The following NCOA7 variants were observed in gnomAD, a reference collection of about 807,000 sequenced individuals.
The protein encoded by NCOA7 is nuclear receptor coactivator 7.
Under a neutral mutation model 104.3 loss-of-function variants are expected in NCOA7, and 45 were observed. The ratio of observed to expected loss-of-function variants is 0.43; its 90% CI spans 0.34 to 0.55. The LOEUF (loss-of-function observed/expected upper bound fraction) is 0.55, where lower values mean the gene tolerates loss of function less well. Among genes scored for constraint, NCOA7 ranks in the 20% least tolerant of loss-of-function variants. The pLI is 0.02. For synonymous variants in NCOA7, 398 were observed against 402.3 expected (o/e 0.99, Z 0.13); for missense variants, 1,041 against 1,119.7 (o/e 0.93, Z 1.00).
chr6:125,829,211 C>T (rs1293854105), intron 2 of NCOA7, among the ~76,000 whole-genome samples: 1 of 151,984 alleles, frequency 6.6e-6, no homozygotes, highest in East Asian at 1.9e-4. Context: ...ATAATATGTC[C>T]TCTTTATAAT....
Position 125,929,928 on chromosome 6 carries a change from C to G in NCOA7, c.*1157C>G, listed in dbSNP as rs908957674. 1 of 151,778 alleles carries G rather than the reference C, an allele frequency of 6.6e-6. No individual in the cohort carries two copies. The highest frequency in any genetic ancestry group is 1.5e-5 in the Non-Finnish European group (1 of 67,942). The allele number at this position is 151,778 out of a possible 1,614,324, so 9.4% of individuals were successfully genotyped here. ...TCAAATGAAAAACGTCAAATTGGACCAATTGTCTTGGTTTCTTGATTCATT... is the reference window on the plus strand; with the variant it reads ...TCAAATGAAAAACGTCAAATTGGACGAATTGTCTTGGTTTCTTGATTCATT... On this transcript the variant is annotated 3_prime_UTR_variant, in exon 16 of 16. Transcript: ENST00000392477.
chr6:125,921,385 G>A (rs1787571202), intron 12 of NCOA7, among the ~76,000 whole-genome samples: 1 of 151,900 alleles, frequency 6.6e-6, no homozygotes, highest in South Asian at 2.1e-4. Flanking sequence ...ATTCCAGCCT[G>A]CGCAACAGAG....
Position 125,846,613 on chromosome 6 carries a change from A to C in NCOA7, c.51-8407A>C, listed in dbSNP as rs184405063. ...GTGCACAATCCATTGAAGCCCACTA[A>C]ATTTTCAGGCCCCCACATAGTTTGT... On this transcript the variant is annotated intron_variant, in intron 2 of 15. Coordinates refer to ENST00000392477, the MANE Select transcript of NCOA7 (RefSeq NM_181782.5). Among the ~76,000 whole-genome samples the C allele has an allele frequency of 1.5e-3, 232 of 152,312 alleles. 2 individuals carry two copies. The highest frequency in any genetic ancestry group is 0.012 in the East Asian group (60 of 5,184).
chr6:125,914,405 T>C (rs2128688719), intron 10 of NCOA7, among the ~76,000 whole-genome samples: 1 of 152,330 alleles, frequency 6.6e-6, no homozygotes, highest in Non-Finnish European at 1.5e-5. Context: ...GATAGGAATG[T>C]AGAAACCTTA....
intron 3 of NCOA7, among the ~76,000 whole-genome samples, chr6:125,859,346 A>G (rs1196934522): frequency 2.6e-5 from 4 of 152,232 alleles, no homozygotes; most frequent in African/African-American, 9.6e-5. Flanking sequence ...AGATTTGTCT[A>G]GAGGGGCCTA....
chr6:125,879,386 T>G (rs903238437), intron 5 of NCOA7, among the ~76,000 whole-genome samples: 1 of 152,352 alleles, frequency 6.6e-6, no homozygotes, highest in Non-Finnish European at 1.5e-5. Flanking sequence ...TTCTGCTAAC[T>G]AATGATGTTG....
In NCOA7 at chr6:125,928,906, G is replaced by C. The variant is rs1271564432; in HGVS notation, c.*135G>C. 2.2e-6 allele frequency: 2 copies of C among 929,996 alleles called. No individual in the cohort carries two copies. The highest frequency in any genetic ancestry group is 3.1e-5 in the Admixed American group (1 of 32,166). 57.6% of individuals were successfully genotyped at this position (929,996 alleles called of 1,614,324 possible). A position where few individuals can be genotyped will look rare whatever the true frequency, so the allele number is the denominator to read the frequency against. On this transcript the variant is annotated 3_prime_UTR_variant, in exon 16 of 16. Coordinates refer to ENST00000392477, the MANE Select transcript of NCOA7 (RefSeq NM_181782.5). The stretch of plus-strand genomic sequence containing the variant: ...GCTTCCTTTCTGCCATCATCTCAGA[G>C]CATGATCACATTGCAGAAAGATTCT...
chr6:125,858,131 A>G (rs1240316342), intron 3 of NCOA7, among the ~76,000 whole-genome samples: 2 of 152,016 alleles, frequency 1.3e-5, no homozygotes, highest in African/African-American at 2.4e-5. Flanking sequence ...TTGATTACCT[A>G]TGTACAGGCT....
chr6:125,877,909 C>G (rs910294033), intron 4 of NCOA7, among the ~76,000 whole-genome samples: 15 of 152,268 alleles, frequency 9.9e-5, no homozygotes, highest in African/African-American at 3.4e-4. Context: ...AAAGTAGCCC[C>G]ACTTCCCCTG....
chr6:125,872,085 C>T (rs1224643961), intron 3 of NCOA7, among the ~76,000 whole-genome samples: 8 of 151,122 alleles, frequency 5.3e-5, no homozygotes, highest in African/African-American at 1.9e-4. Context: ...ACATCTTAGA[C>T]TCTGAAGGGA....
rs958359068 is a variant in NCOA7 at position 125,929,902 on chromosome 6, A to G, written c.*1131A>G. ...GTATATTAATTTCTGCATTTTTTAA[A>G]TCAAATGAAAAACGTCAAATTGGAC... On this transcript the variant is annotated 3_prime_UTR_variant, in exon 16 of 16. Transcript: ENST00000392477. 1.3e-5 allele frequency: 2 copies of G among 152,212 alleles called. No homozygotes were observed. The highest frequency in any genetic ancestry group is 1.5e-5 in the Non-Finnish European group (1 of 68,040). The allele number at this position is 152,212 out of a possible 1,614,324, so 9.4% of individuals were successfully genotyped here.
intron 1 of NCOA7, among the ~76,000 whole-genome samples, chr6:125,781,559 C>G (rs987141356): frequency 6.6e-6 from 1 of 152,134 alleles, no homozygotes; most frequent in African/African-American, 2.4e-5. Context: ...TTAAGTGGGA[C>G]CCTTTTTTCC....
At chr6:125,849,947 T>C (rs988408778) in intron 2 of NCOA7, among the ~76,000 whole-genome samples, 1 of 152,190 alleles carries the variant, frequency 6.6e-6, no homozygotes, top group Non-Finnish European at 1.5e-5. Context: ...TCATGAAAAA[T>C]GCTTAGATGA....
At chr6:125,840,781 G>C (rs1780051179) in intron 2 of NCOA7, among the ~76,000 whole-genome samples, 1 of 150,942 alleles carries the variant, frequency 6.6e-6, no homozygotes, top group Admixed American at 6.6e-5. Flanking sequence ...AAAGTGCTGG[G>C]ATTACAGGCT....
intron 3 of NCOA7, among the ~76,000 whole-genome samples, chr6:125,872,558 A>T (rs995635243): frequency 6.6e-6 from 1 of 152,246 alleles, no homozygotes; most frequent in Non-Finnish European, 1.5e-5. Flanking sequence ...AAAGGAATGA[A>T]CAACACTTAA....
intron 1 of NCOA7, among the ~76,000 whole-genome samples, chr6:125,809,340 G>A (rs1776753827): frequency 6.6e-6 from 1 of 152,022 alleles, no homozygotes; most frequent in Non-Finnish European, 1.5e-5. Flanking sequence ...GTGCCACCAC[G>A]TCTGGCTACT....
intron 7 of NCOA7, 30 bp downstream of exon 7, chr6:125,882,581 C>T: frequency 6.2e-7 from 1 of 1,601,786 alleles, no homozygotes; most frequent in Non-Finnish European, 8.5e-7. Context: ...GTTTCCTTTC[C>T]TTGAAATCTA....
intron 1 of NCOA7, among the ~76,000 whole-genome samples, chr6:125,807,755 G>C (rs909489059): frequency 6.6e-6 from 1 of 152,232 alleles, no homozygotes; most frequent in Middle Eastern, 3.4e-3. Context: ...ATACTCATGA[G>C]GACAGGGCAT....
intron 10 of NCOA7, among the ~76,000 whole-genome samples, chr6:125,898,265 G>C (rs534084889): frequency 6.6e-6 from 1 of 152,128 alleles, no homozygotes; most frequent in East Asian, 1.9e-4. Context: ...AGCTTCATTG[G>C]ACCCTGATGT....
Sources: gnomAD v4.1 joint callset for allele counts (sites outside exome capture counted in the v4.1 genomes callset) on GRCh38, gnomAD v4.1.1 for gene constraint, MANE v1.5 for transcripts, NCBI Gene and HGNC (gene_info 2026-07-23, HGNC 2026-07-21) for gene names.